RTKN2: variants seen among roughly 807,000 people sequenced by gnomAD.
RTKN2 encodes the protein rhotekin-2.
In RTKN2, 69 loss-of-function variants were observed where a neutral mutation model predicts 71.5. That is an observed-to-expected ratio of 0.96 (90% confidence interval 0.79 to 1.18). RTKN2 has a LOEUF of 1.18. Ranked by LOEUF, RTKN2 falls within the 50% of genes most tolerant of loss-of-function variation. RTKN2 has a pLI of 0.00. For synonymous variants in RTKN2, 236 were observed against 236.5 expected (o/e 1.00, Z 0.02); for missense variants, 724 against 719.7 (o/e 1.01, Z -0.07).
chr10:62,186,006 T>C (rs893951822), intron 8 of RTKN2, among the ~76,000 whole-genome samples: 1 of 152,236 alleles, frequency 6.6e-6, no homozygotes, highest in African/African-American at 2.4e-5. Flanking sequence ...AGAGTTAAGT[T>C]GAACTGCCAA....
chr10:62,247,241 T>A (rs1842496766), intron 2 of RTKN2, among the ~76,000 whole-genome samples: 1 of 151,978 alleles, frequency 6.6e-6, no homozygotes, highest in South Asian at 2.1e-4. Flanking sequence ...ATATATTCAT[T>A]ATAATGCATC....
chr10:62,184,137 T>C, exon 9 of RTKN2: 1 of 496,270 alleles, frequency 2.0e-6, no homozygotes, highest in East Asian at 3.3e-5. Context: ...CTCTACAAAA[T>C]GTTTACTCAA....
chr10:62,251,230 T>C (rs913390453), intron 2 of RTKN2, among the ~76,000 whole-genome samples: 4 of 152,238 alleles, frequency 2.6e-5, no homozygotes, highest in Non-Finnish European at 4.4e-5. Context: ...GTAAATATTT[T>C]GAAAGAGGGA....
intron 1 of RTKN2, among the ~76,000 whole-genome samples, chr10:62,264,019 T>C (rs977741703): frequency 6.6e-6 from 1 of 151,786 alleles, no homozygotes; most frequent in African/African-American, 2.4e-5. Flanking sequence ...ACATGTAATG[T>C]TTCTGGTATG....
intron 1 of RTKN2, among the ~76,000 whole-genome samples, chr10:62,263,396 T>C (rs903156142): frequency 6.6e-5 from 10 of 152,206 alleles, no homozygotes; most frequent in Non-Finnish European, 1.3e-4. Context: ...CAGAGGAGCA[T>C]GACCCTGCCA....
intron 8 of RTKN2, among the ~76,000 whole-genome samples, chr10:62,186,636 T>C (rs1841141096): frequency 6.6e-6 from 1 of 152,224 alleles, no homozygotes; most frequent in African/African-American, 2.4e-5. Context: ...CACTTGGCTC[T>C]GTCTTATGTA....
At chr10:62,240,166 T>C (rs1842344357) in intron 4 of RTKN2, among the ~76,000 whole-genome samples, 1 of 151,840 alleles carries the variant, frequency 6.6e-6, no homozygotes, top group Non-Finnish European at 1.5e-5. Flanking sequence ...AAGAAAAAGA[T>C]GTTTTTTATT....
chr10:62,244,739 TATAAAG>T (rs1371279668), intron 3 of RTKN2, among the ~76,000 whole-genome samples: 5 of 152,196 alleles, frequency 3.3e-5, no homozygotes, highest in South Asian at 2.1e-4. Flanking sequence ...TGTTTTGTAT[TATAAAG>T]ATAAAAACAA....
intron 8 of RTKN2, among the ~76,000 whole-genome samples, chr10:62,217,848 C>T (rs192605558): frequency 3.3e-5 from 5 of 152,170 alleles, no homozygotes; most frequent in Non-Finnish European, 5.9e-5. Flanking sequence ...CTAAACCGTG[C>T]CAAACGCTGT....
chr10:62,195,099 C>G lies in RTKN2; in HGVS notation c.*2809G>C. 4 of 981,836 alleles carry G rather than the reference C, an allele frequency of 4.1e-6. No homozygotes were observed. The highest frequency in any genetic ancestry group is 4.8e-6 in the Non-Finnish European group (4 of 826,736). 60.8% of individuals were successfully genotyped at this position (981,836 alleles called of 1,614,324 possible). On this transcript the variant is annotated 3_prime_UTR_variant, in exon 12 of 12. Coordinates refer to ENST00000373789, the MANE Select transcript of RTKN2 (RefSeq NM_145307.4). ...CACTTAGTAGCAATTAAAAATAATACTATCTTAATGCTGACTACGTAATTT... is the reference window on the plus strand; with the variant it reads ...CACTTAGTAGCAATTAAAAATAATAGTATCTTAATGCTGACTACGTAATTT...
rs1451069961 is a variant in RTKN2, at chr10:62,262,834, T to C, written c.61-13A>G. On this transcript the variant is annotated splice_polypyrimidine_tract_variant and intron_variant, in intron 1 of 11. Coordinates refer to ENST00000373789, the MANE Select transcript of RTKN2 (RefSeq NM_145307.4). ...GAATGTTGCAGTCCTAAAAAAAAAA[T>C]GCATCTTGAAAATATAGCAAAAACC... The C allele has an allele frequency of 1.9e-6, 3 of 1,549,732 alleles. No individual in the cohort carries two copies. Among genetic ancestry groups the C allele is most frequent in the Admixed American group, 3.7e-5 (2 of 54,036 alleles).
intron 1 of RTKN2, among the ~76,000 whole-genome samples, chr10:62,265,768 CA>C (rs997437658): frequency 1.3e-5 from 2 of 152,208 alleles, no homozygotes; most frequent in South Asian, 2.1e-4. Flanking sequence ...TACAATGCAT[CA>C]GGGGTAAGGG....
exon 9 of RTKN2, chr10:62,183,998 G>C (rs1475443610): frequency 4.8e-6 from 1 of 207,820 alleles, no homozygotes; most frequent in African/African-American, 2.3e-5. Flanking sequence ...AGTGTTGAAT[G>C]CCATAGTAGT....
chr10:62,229,289 A>G (rs1173901962), intron 6 of RTKN2, among the ~76,000 whole-genome samples: 1 of 152,198 alleles, frequency 6.6e-6, no homozygotes, highest in Non-Finnish European at 1.5e-5. Flanking sequence ...TGGGATACCT[A>G]CTACAAAGAT....
At chr10:62,184,954 C>T (rs1289534830) in intron 8 of RTKN2, among the ~76,000 whole-genome samples, 1 of 152,194 alleles carries the variant, frequency 6.6e-6, no homozygotes, top group Non-Finnish European at 1.5e-5. Context: ...GGTAAAACAT[C>T]TGCCAAAGTT....
chr10:62,197,776 A>C lies in RTKN2; in HGVS notation c.*132T>G, dbSNP rs1841357639. The C allele has an allele frequency of 7.0e-7, 1 of 1,419,300 alleles. No homozygotes were observed. Among genetic ancestry groups the C allele is most frequent in the Non-Finnish European group, 9.2e-7 (1 of 1,089,658 alleles). The allele number at this position is 1,419,300 out of a possible 1,614,324, so 87.9% of individuals were successfully genotyped here. A position where few individuals can be genotyped will look rare whatever the true frequency, so the allele number is the denominator to read the frequency against. ...CTTCTTCATTATAAAATGTTTTTCTATACCTAATAGCTTATTAATTATTGG... is the reference window on the plus strand; with the variant it reads ...CTTCTTCATTATAAAATGTTTTTCTCTACCTAATAGCTTATTAATTATTGG... On this transcript the variant is annotated 3_prime_UTR_variant, in exon 12 of 12. Coordinates refer to ENST00000373789, the MANE Select transcript of RTKN2 (RefSeq NM_145307.4).
chr10:62,204,778 A>T, intron 10 of RTKN2, 79 bp downstream of exon 10: 1 of 1,147,940 alleles, frequency 8.7e-7, no homozygotes, highest in Non-Finnish European at 1.2e-6. Flanking sequence ...AAACTCTAAG[A>T]TTACAATTTT....
Position 62,268,590 on chromosome 10 carries a change from C to T in RTKN2, c.21G>A (p.Arg7=), listed in dbSNP as rs538900183. 30 of 1,565,660 alleles carry T rather than the reference C, an allele frequency of 1.9e-5. No individual in the cohort carries two copies. In the African/African-American group the frequency reaches 3.5e-4, roughly 18 times the overall value. The part of the protein sequence containing the change: MEGPSL[R]GPALRLAGLP... ...GCCCCGCCAGGCGGAGCGCAGGACCCCTCAGGCTCGGCCCCTCCATCTCCA... is the reference window on the plus strand; with the variant it reads ...GCCCCGCCAGGCGGAGCGCAGGACCTCTCAGGCTCGGCCCCTCCATCTCCA... The change falls in exon 1 of 12, where the codon AGG becomes AGA. Residue 7 remains arginine (R), a synonymous_variant. Transcript: ENST00000373789.
downstream of RTKN2, among the ~76,000 whole-genome samples, chr10:62,188,531 C>T (rs970179177): frequency 1.3e-5 from 2 of 152,010 alleles, no homozygotes; most frequent in Non-Finnish European, 2.9e-5. Context: ...AGTTCGTGAA[C>T]GTATTCTAAA....
Sources: gnomAD v4.1 joint callset for allele counts (sites outside exome capture counted in the v4.1 genomes callset) on GRCh38, gnomAD v4.1.1 for gene constraint, MANE v1.5 for transcripts, NCBI Gene and HGNC (gene_info 2026-07-23, HGNC 2026-07-21) for gene names.